ATP8A2: variants seen among roughly 807,000 people sequenced by gnomAD.
ATP8A2 encodes the protein ATPase phospholipid transporting 8A2.
A neutral mutation model predicts 165.6 loss-of-function variants in ATP8A2; 100 were observed. The ratio of observed to expected loss-of-function variants is 0.60; its 90% CI spans 0.51 to 0.71. ATP8A2 has a LOEUF of 0.71. ATP8A2 is among the 30% of genes least tolerant of loss of function. The pLI, the probability that ATP8A2 is intolerant of heterozygous loss-of-function variation, is 0.00. For synonymous variants in ATP8A2, 543 were observed against 548.8 expected (o/e 0.99, Z 0.15); for missense variants, 1,227 against 1,479.5 (o/e 0.83, Z 2.80).
At chr13:25,718,300 T>C (rs2043299569) in intron 25 of ATP8A2, among the ~76,000 whole-genome samples, 1 of 152,240 alleles carries the variant, frequency 6.6e-6, no homozygotes, top group Non-Finnish European at 1.5e-5. Flanking sequence ...TAAAACTTCA[T>C]TAAGCAACAT....
In ATP8A2 at chr13:25,551,621, C is replaced by T. The variant is rs1593516826; in HGVS notation, c.1057+118C>T. 4 of 895,552 alleles carry T rather than the reference C, an allele frequency of 4.5e-6. No individual in the cohort carries two copies. The East Asian group carries it at 1.0e-4, about 23-fold the overall frequency. 55.5% of individuals were successfully genotyped at this position (895,552 alleles called of 1,614,324 possible). On this transcript the variant is annotated intron_variant, in intron 11 of 36. Transcript: ENST00000381655. Reference sequence around the variant, plus strand: ...CCTTCTGTTCCCTTTGGTTACTGTACATAATGCCAGCCTTTCAAGGAGAAT... The same window carrying T: ...CCTTCTGTTCCCTTTGGTTACTGTATATAATGCCAGCCTTTCAAGGAGAAT...
intron 10 of ATP8A2, among the ~76,000 whole-genome samples, chr13:25,549,210 A>G (rs2138041497): frequency 6.6e-6 from 1 of 152,228 alleles, no homozygotes; most frequent in Non-Finnish European, 1.5e-5. Context: ...CTGTAATCCC[A>G]CCACTTTGGG....
At chr13:25,548,559 A>G (rs902140452) in intron 10 of ATP8A2, among the ~76,000 whole-genome samples, 1 of 152,210 alleles carries the variant, frequency 6.6e-6, no homozygotes, top group Non-Finnish European at 1.5e-5. Context: ...AAGAGTTAGG[A>G]TGACCAGTCC....
chr13:26,008,494 A>G (rs887186808), intron 35 of ATP8A2, among the ~76,000 whole-genome samples: 11 of 152,218 alleles, frequency 7.2e-5, no homozygotes, highest in African/African-American at 2.7e-4. Flanking sequence ...TACTGTAGAT[A>G]GAAGCTCCAG....
chr13:25,519,059 C>T (rs2037572615), intron 2 of ATP8A2, among the ~76,000 whole-genome samples: 1 of 152,162 alleles, frequency 6.6e-6, no homozygotes, highest in African/African-American at 2.4e-5. Flanking sequence ...TTCTCCACCT[C>T]CGTTTGCCCA....
Position 25,372,748 on chromosome 13 carries a change from C to G in ATP8A2, c.76+460C>G, listed in dbSNP as rs118082940. 8.2e-3 allele frequency among the ~76,000 whole-genome samples: 1,256 copies of G among 152,334 alleles called. 6 individuals are homozygous for G. The highest frequency in any genetic ancestry group is 0.013 in the Non-Finnish European group (884 of 68,024). On this transcript the variant is annotated intron_variant, in intron 1 of 36. Transcript: ENST00000381655. This position sits in a 1 kb window ranked among gnomAD's most constrained non-coding sequence, Gnocchi z 4.8. ...CAAAAGCAGAGGGGGAAAAAGGCATCCGAAGGGTCCCTCGAGTGATTCTCA... is the reference window on the plus strand; with the variant it reads ...CAAAAGCAGAGGGGGAAAAAGGCATGCGAAGGGTCCCTCGAGTGATTCTCA...
rs370926905 is a variant in ATP8A2 at position 25,850,371 on chromosome 13, C to T, written c.2957-9824C>T. Among the ~76,000 whole-genome samples, 27 of 152,050 alleles carry T rather than the reference C, an allele frequency of 1.8e-4. 1 individual carries two copies. The South Asian group carries it at 3.3e-3, about 19-fold the overall frequency. On this transcript the variant is annotated intron_variant, in intron 30 of 36. Coordinates refer to ENST00000381655, the MANE Select transcript of ATP8A2 (RefSeq NM_016529.6). ...TACATTTGACCCCTGCTGACCTCACCGCTGTAGCCCCACCCCCACCTCATC... is the reference window on the plus strand; with the variant it reads ...TACATTTGACCCCTGCTGACCTCACTGCTGTAGCCCCACCCCCACCTCATC...
chr13:25,524,925 TC>T (rs1483733477), intron 2 of ATP8A2, among the ~76,000 whole-genome samples: 14 of 151,120 alleles, frequency 9.3e-5, no homozygotes, highest in African/African-American at 3.2e-4. Flanking sequence ...CTTCCTTCCT[TC>T]CTTCCTTCCT....
At chr13:25,949,855 A>G (rs1174443720) in intron 33 of ATP8A2, among the ~76,000 whole-genome samples, 1 of 152,164 alleles carries the variant, frequency 6.6e-6, no homozygotes, top group Non-Finnish European at 1.5e-5. Context: ...GCTGGAGTGC[A>G]GTGGCAAGAT....
At chr13:25,955,379 C>A (rs895528098) in intron 33 of ATP8A2, among the ~76,000 whole-genome samples, 1 of 151,904 alleles carries the variant, frequency 6.6e-6, no homozygotes, top group Non-Finnish European at 1.5e-5. Flanking sequence ...AGACTGCTAG[C>A]CAGACTATTA....
At chr13:25,940,338 A>G (rs1955037902) in intron 33 of ATP8A2, among the ~76,000 whole-genome samples, 1 of 152,140 alleles carries the variant, frequency 6.6e-6, no homozygotes, top group Admixed American at 6.5e-5. Context: ...CTTGGCCTTC[A>G]GAGCTGCCGC....
intron 11 of ATP8A2, among the ~76,000 whole-genome samples, chr13:25,553,234 C>CT (rs1489414429): frequency 6.7e-6 from 1 of 150,152 alleles, no homozygotes; most frequent in African/African-American, 2.4e-5. Flanking sequence ...GATGCTGCCT[C>CT]TGCTGTGGAC....
At chr13:25,984,129 T>G (rs1438253995) in intron 35 of ATP8A2, among the ~76,000 whole-genome samples, 1 of 151,730 alleles carries the variant, frequency 6.6e-6, no homozygotes, top group East Asian at 1.9e-4. Context: ...CCCAGCTACT[T>G]AAGAGGCTGA....
At chr13:25,744,334 T>C (rs540245869) in intron 25 of ATP8A2, among the ~76,000 whole-genome samples, 6 of 148,428 alleles carry the variant, frequency 4.0e-5, no homozygotes, top group Non-Finnish European at 8.8e-5. Flanking sequence ...CACCCCCCCG[T>C]GTGTATGTGC....
At chr13:25,534,224 T>C in intron 6 of ATP8A2, 1 of 532,788 alleles carries the variant, frequency 1.9e-6, no homozygotes, top group South Asian at 1.4e-5. Flanking sequence ...TTATAGTGTT[T>C]TACAGTAACA....
intron 27 of ATP8A2, among the ~76,000 whole-genome samples, chr13:25,819,155 CAA>C (rs1194218281): frequency 6.8e-6 from 1 of 147,450 alleles, no homozygotes; most frequent in Admixed American, 6.7e-5. Context: ...GTGGTTTTTA[CAA>C]AAAAAAAATG....
At chr13:25,922,580 G>C (rs1013383956) in intron 33 of ATP8A2, among the ~76,000 whole-genome samples, 4 of 152,224 alleles carry the variant, frequency 2.6e-5, no homozygotes, top group Non-Finnish European at 4.4e-5. Context: ...ACCTTCTGTA[G>C]AAGGCCACCA....
chr13:25,920,812 G>A (rs1206890208), intron 33 of ATP8A2, among the ~76,000 whole-genome samples: 1 of 152,210 alleles, frequency 6.6e-6, no homozygotes, highest in East Asian at 1.9e-4. Flanking sequence ...GGCAGGCTGG[G>A]CCTGCCTGTA....
At chr13:25,780,266 G>T (rs1178769434) in intron 27 of ATP8A2, among the ~76,000 whole-genome samples, 1 of 152,110 alleles carries the variant, frequency 6.6e-6, no homozygotes, top group Admixed American at 6.5e-5. Context: ...GTGATTAGTT[G>T]GTGGTTCCTA....
Sources: gnomAD v4.1 joint callset for allele counts (sites outside exome capture counted in the v4.1 genomes callset) on GRCh38, gnomAD v4.1.1 for gene constraint, Gnocchi (gnomAD v3.1) non-coding constraint, MANE v1.5 for transcripts, NCBI Gene and HGNC (gene_info 2026-07-23, HGNC 2026-07-21) for gene names.